Variants in RNFT2 observed in about 807,000 individuals in gnomAD.
The protein encoded by RNFT2 is E3 ubiquitin-protein ligase RNFT2.
A neutral mutation model predicts 53.0 loss-of-function variants in RNFT2; 36 were observed. The observed-to-expected ratio is 0.68, with a 90% CI of 0.52 to 0.90. The LOEUF is 0.90. RNFT2 is among the 40% of genes least tolerant of loss of function. The probability of loss-of-function intolerance (pLI) is 0.00; values close to 1 mark genes in which losing one functional copy is unlikely to be tolerated. For synonymous variants in RNFT2, 260 were observed against 253.2 expected (o/e 1.03, Z -0.26); for missense variants, 514 against 585.6 (o/e 0.88, Z 1.26).
intron 7 of RNFT2, among the ~76,000 whole-genome samples, chr12:116,833,117 C>T (rs1240057500): frequency 6.6e-6 from 1 of 151,982 alleles, no homozygotes; most frequent in Non-Finnish European, 1.5e-5. Flanking sequence ...TGGGGGTTCG[C>T]CATGTTGGCC....
At chr12:116,798,225 C>CA (rs201001033) in intron 7 of RNFT2, among the ~76,000 whole-genome samples, 13,131 of 139,020 alleles carry the variant, frequency 0.094, 1,536 homozygotes, top group African/African-American at 0.27. Flanking sequence ...GACTCTGTCT[C>CA]AAAAAAAAAA....
intron 7 of RNFT2, among the ~76,000 whole-genome samples, chr12:116,808,696 A>T (rs1444725139): frequency 6.6e-6 from 1 of 152,170 alleles, no homozygotes; most frequent in African/African-American, 2.4e-5. Flanking sequence ...CCCGCAGTTT[A>T]ATTTCCTTTA....
intron 7 of RNFT2, among the ~76,000 whole-genome samples, chr12:116,804,045 A>C (rs1379070535): frequency 6.6e-6 from 1 of 152,208 alleles, no homozygotes; most frequent in Non-Finnish European, 1.5e-5. Context: ...ACATCCTTTG[A>C]AATGTGTATT....
intron 10 of RNFT2, among the ~76,000 whole-genome samples, chr12:116,848,278 G>T (rs1240052236): frequency 6.6e-6 from 1 of 152,114 alleles, no homozygotes; most frequent in Non-Finnish European, 1.5e-5. Flanking sequence ...CCATGTCTTT[G>T]CTATTGTGAA....
rs1405612186 is a variant in RNFT2, at chr12:116,763,991, A to G, written c.628-2823A>G. ...CCAATGAGTGGGTAAAGAAACTGGTATATGTATATGATGGAATTCTACTCA... is the reference window on the plus strand; with the variant it reads ...CCAATGAGTGGGTAAAGAAACTGGTGTATGTATATGATGGAATTCTACTCA... On this transcript the variant is annotated intron_variant, in intron 5 of 10. Transcript: ENST00000257575. 1.8e-4 allele frequency among the ~76,000 whole-genome samples: 27 copies of G among 152,178 alleles called. 1 individual carries two copies. Among genetic ancestry groups the G allele is most frequent in the Admixed American group, 1.8e-3 (27 of 15,272 alleles).
At chr12:116,778,616 G>C (rs1187467204) in intron 6 of RNFT2, among the ~76,000 whole-genome samples, 1 of 152,266 alleles carries the variant, frequency 6.6e-6, no homozygotes, top group Non-Finnish European at 1.5e-5. Context: ...TTGGAAGGCT[G>C]AGGCGGGTGG....
chr12:116,779,410 G>T (rs1873591099), intron 7 of RNFT2, 62 bp downstream of exon 7: 2 of 1,580,750 alleles, frequency 1.3e-6, no homozygotes, highest in Non-Finnish European at 1.7e-6. Context: ...AGGATTCAGG[G>T]TGCCTTCTGA....
intron 10 of RNFT2, among the ~76,000 whole-genome samples, chr12:116,841,622 C>A (rs1032676121): frequency 6.0e-5 from 9 of 149,904 alleles, no homozygotes; most frequent in African/African-American, 2.2e-4. Context: ...GTGGCACACA[C>A]CTGTAGTCCC....
At chr12:116,820,532 C>T (rs1043634904) in intron 7 of RNFT2, among the ~76,000 whole-genome samples, 1 of 152,170 alleles carries the variant, frequency 6.6e-6, no homozygotes, top group Admixed American at 6.5e-5. Context: ...GTCCTCACTT[C>T]CCCCACCAGG....
intron 3 of RNFT2, among the ~76,000 whole-genome samples, chr12:116,748,188 T>C (rs190857470): frequency 3.3e-5 from 5 of 151,388 alleles, no homozygotes; most frequent in African/African-American, 1.2e-4. Context: ...AGGCTCTGTC[T>C]CAAAAGAAAA....
intron 5 of RNFT2, among the ~76,000 whole-genome samples, chr12:116,759,025 C>A (rs1283457360): frequency 6.6e-6 from 1 of 152,044 alleles, no homozygotes; most frequent in Admixed American, 6.6e-5. Flanking sequence ...AACATAATCC[C>A]AGACTTCTTG....
In RNFT2 at chr12:116,820,342, G is replaced by A. The variant is rs142675687; in HGVS notation, c.883-13450G>A. 4.6e-5 allele frequency among the ~76,000 whole-genome samples: 7 copies of A among 152,264 alleles called. No homozygotes were observed. The East Asian group carries it at 5.8e-4, about 13-fold the overall frequency. ...AGGGGTCCTCCTGCCTCGGCCTCCC[G>A]TAGTTCTGGGTTTATAGGTGTGAGC... On this transcript the variant is annotated intron_variant, in intron 7 of 10. Coordinates refer to ENST00000257575, the MANE Select transcript of RNFT2 (RefSeq NM_001382266.1).
chr12:116,751,660 CA>C (rs1394604794), intron 4 of RNFT2, among the ~76,000 whole-genome samples: 14 of 152,288 alleles, frequency 9.2e-5, no homozygotes, highest in Non-Finnish European at 7.3e-5. Context: ...CTCAGCCTCC[CA>C]AAGTGCTGGG....
At chr12:116,755,982 T>C (rs1872493348) in intron 5 of RNFT2, 1 of 718,952 alleles carries the variant, frequency 1.4e-6, no homozygotes, top group South Asian at 1.5e-5. Flanking sequence ...ATAGTATAGG[T>C]TGAAATCAGG....
At chr12:116,849,197 G>A in intron 10 of RNFT2, 117 bp from the exon 11 acceptor site, 1 of 742,906 alleles carries the variant, frequency 1.3e-6, no homozygotes. Flanking sequence ...CAACGCGAGT[G>A]CAGGCGCCCC....
intron 7 of RNFT2, among the ~76,000 whole-genome samples, chr12:116,819,312 GGGCTAAGAGCCTCA>G (rs1875860299): frequency 6.6e-6 from 1 of 152,240 alleles, no homozygotes; most frequent in East Asian, 1.9e-4. Context: ...TGTCCGCGAA[GGGCTAAGAGCCTCA>G]GGCTCGGGGG....
At chr12:116,822,165 C>T (rs1876072253) in intron 7 of RNFT2, among the ~76,000 whole-genome samples, 1 of 152,048 alleles carries the variant, frequency 6.6e-6, no homozygotes, top group South Asian at 2.1e-4. Context: ...ACCAGCCCTC[C>T]TCTCTGTCCC....
At chr12:116,841,606 G>A (rs185380464) in intron 10 of RNFT2, among the ~76,000 whole-genome samples, 2,873 of 149,418 alleles carry the variant, frequency 0.019, 54 homozygotes, top group Middle Eastern at 0.034. Flanking sequence ...AAATTAGCCT[G>A]GCATGGTGGC....
chr12:116,796,505 G>T (rs1566084016), intron 7 of RNFT2, among the ~76,000 whole-genome samples: 1 of 152,266 alleles, frequency 6.6e-6, no homozygotes, highest in East Asian at 1.9e-4. Flanking sequence ...AATCCTATTG[G>T]TTTTTCTCTA....
Sources: gnomAD v4.1 joint callset for allele counts (sites outside exome capture counted in the v4.1 genomes callset) on GRCh38, gnomAD v4.1.1 for gene constraint, MANE v1.5 for transcripts, NCBI Gene and HGNC (gene_info 2026-07-23, HGNC 2026-07-21) for gene names.